TBC1D8B: variants seen among roughly 807,000 people sequenced by gnomAD.
The protein encoded by TBC1D8B is TBC1 domain family member 8B.
Under a neutral mutation model 82.9 loss-of-function variants are expected in TBC1D8B, and 75 were observed. The observed-to-expected ratio is 0.90, with a 90% CI of 0.75 to 1.10. TBC1D8B has a LOEUF of 1.10. Ranked by LOEUF, TBC1D8B falls within the 50% of genes least tolerant of loss-of-function variation. TBC1D8B has a pLI of 0.00. For missense variants in TBC1D8B, 794 were observed against 796.9 expected (o/e 1.00, Z 0.04); for synonymous variants, 276 against 276.8 (o/e 1.00, Z 0.03).
At chrX:106,849,193 ACTGT>A in intron 11 of TBC1D8B, 1 of 1,053,962 alleles carries the variant, frequency 9.5e-7, no homozygotes, top group Non-Finnish European at 1.3e-6. Flanking sequence ...CATCGATTTT[ACTGT>A]CTTTCATTAT....
intron 12 of TBC1D8B, among the ~76,000 whole-genome samples, chrX:106,851,867 A>G (rs1932592770): frequency 8.9e-6 from 1 of 111,794 alleles, no homozygotes; most frequent in Admixed American, 9.5e-5. Context: ...TAGTGCCGCT[A>G]TAAACATATG....
At chrX:106,842,299 T>G (rs886826864) in intron 10 of TBC1D8B, among the ~76,000 whole-genome samples, 4 of 110,730 alleles carry the variant, frequency 3.6e-5, no homozygotes, top group Non-Finnish European at 7.6e-5. Context: ...AGTTTAGAGA[T>G]AGCTTCAAAA....
intron 1 of TBC1D8B, among the ~76,000 whole-genome samples, chrX:106,807,651 T>G (rs914347654): frequency 2.7e-5 from 3 of 111,395 alleles, no homozygotes; most frequent in Non-Finnish European, 5.7e-5. Flanking sequence ...TCTTTAAAGG[T>G]AATTTTTTAC....
intron 7 of TBC1D8B, among the ~76,000 whole-genome samples, chrX:106,835,577 G>A (rs993261000): frequency 8.0e-5 from 9 of 111,996 alleles, no homozygotes; most frequent in East Asian, 2.8e-4. Context: ...TTTCTTTTCC[G>A]TCACATCATC....
chrX:106,869,405 C>A, intron 18 of TBC1D8B, 80 bp from the exon 19 acceptor site: 1 of 852,897 alleles, frequency 1.2e-6, no homozygotes, highest in Non-Finnish European at 1.7e-6. Context: ...TGTGCTTATA[C>A]GTCTATATGA....
intron 1 of TBC1D8B, among the ~76,000 whole-genome samples, chrX:106,807,331 C>T (rs1931219255): frequency 9.0e-6 from 1 of 110,681 alleles, no homozygotes. Context: ...GCTCCCATCC[C>T]TCTCTGGAAC....
intron 10 of TBC1D8B, among the ~76,000 whole-genome samples, chrX:106,847,980 C>G (rs1932496456): frequency 8.9e-6 from 1 of 111,749 alleles, no homozygotes; most frequent in Admixed American, 9.5e-5. Flanking sequence ...TTGAATGTTA[C>G]TTTATAAAAT....
At position 106,865,636 on chromosome X, in the gene TBC1D8B, G is replaced by A; in HGVS notation, c.2421+9G>A. Reference sequence around the variant, plus strand: ...TTTATGTCATCTTTAAGGTACTGTTGTTCTTCTTTAAATGAAAAATAATGC... The same window carrying A: ...TTTATGTCATCTTTAAGGTACTGTTATTCTTCTTTAAATGAAAAATAATGC... On this transcript the variant is annotated intron_variant, in intron 15 of 20. Transcript: ENST00000357242. The A allele has an allele frequency of 8.5e-7, 1 of 1,172,822 alleles. No homozygotes were observed. Among genetic ancestry groups the A allele is most frequent in the Non-Finnish European group, 1.1e-6 (1 of 872,305 alleles).
chrX:106,818,587 T>C (rs1416152310), intron 1 of TBC1D8B, 76 bp from the exon 2 acceptor site: 3 of 725,499 alleles, frequency 4.1e-6, no homozygotes, highest in African/African-American at 2.2e-5. Flanking sequence ...AATTTATTAG[T>C]TTGTTATATG....
Position 106,860,340 on chromosome X carries a change from GGTGTGTGTGTGTGT to G in TBC1D8B, c.2353-5186_2353-5173del, listed in dbSNP as rs3078333. Among the ~76,000 whole-genome samples, 421 of 82,789 alleles carry G rather than the reference GGTGTGTGTGTGTGT, an allele frequency of 5.1e-3. 7 individuals are homozygous for G. Among genetic ancestry groups the G allele is most frequent in the African/African-American group, 0.017 (399 of 23,306 alleles). The allele number at this position is 82,789 out of a possible 115,157, so 71.9% of individuals were successfully genotyped here. A position where few individuals can be genotyped will look rare whatever the true frequency, so the allele number is the denominator to read the frequency against. On this transcript the variant is annotated intron_variant, in intron 14 of 20. Coordinates refer to ENST00000357242, the MANE Select transcript of TBC1D8B (RefSeq NM_017752.3). ...ATCTGGTACTGGGCTTTTTATGATT[GGTGTGTGTGTGTGT>G]GTGTGTGTGTGTGTGTGTGTGTGTG...
At chrX:106,803,759 T>A (rs1931106362) in intron 1 of TBC1D8B, among the ~76,000 whole-genome samples, 1 of 111,773 alleles carries the variant, frequency 8.9e-6, no homozygotes, top group Non-Finnish European at 1.9e-5. Context: ...AAAAGTGTTT[T>A]TTGGCCAAAT....
In TBC1D8B at chrX:106,865,846, T is replaced by A; in HGVS notation, c.2475T>A (p.His825Gln). 1 of 1,210,662 alleles carries A rather than the reference T, an allele frequency of 8.3e-7. No homozygotes were observed. Among genetic ancestry groups the A allele is most frequent in the East Asian group, 3.0e-5 (1 of 33,839 alleles). The change falls in exon 16 of 21, where the codon CAT becomes CAA. Residue 825 changes from histidine to glutamine, a missense_variant. His to Gln is a conservative substitution (Grantham distance 24). Transcript: ENST00000357242. ...GTTTGGGTTGCCCAGTATTGAAGCA[T>A]CATGACCCCAGTCTGCCATATTTGG... ...YWCLGCPVLKHHDPSLPYLEQ... is the reference protein window; with the variant it reads ...YWCLGCPVLKQHDPSLPYLEQ...
intron 1 of TBC1D8B, chrX:106,814,414 A>T (rs745737668): frequency 0.014 from 1,460 of 105,855 alleles, 36 homozygotes; most frequent in African/African-American, 0.048. Context: ...CATGGTGTAT[A>T]TGTGCCACAT....
Position 106,802,963 on chromosome X carries a change from A to T in TBC1D8B, c.110A>T (p.Glu37Val). 3.3e-6 allele frequency: 4 copies of T among 1,207,968 alleles called. No homozygotes were observed. In the South Asian group the frequency reaches 7.1e-5, roughly 21 times the overall value. ...VLQRRRGYGE[E>V]GGGGLTGLLV... ...CAGCGGCGTCGGGGCTACGGGGAGG[A>T]AGGCGGAGGGGGGCTCACAGGTAAG... Residue 37 changes from glutamate (E) to valine (V), a missense_variant, in exon 1 of 21, where the codon GAA (glutamate) becomes GTA (valine). Physicochemically the swap from Glu to Val is moderately radical, Grantham distance 121. Coordinates refer to ENST00000357242, the MANE Select transcript of TBC1D8B (RefSeq NM_017752.3).
intron 10 of TBC1D8B, among the ~76,000 whole-genome samples, chrX:106,844,476 CAT>C (rs779296924): frequency 0.063 from 6,286 of 100,502 alleles, 549 homozygotes; most frequent in African/African-American, 0.21. Flanking sequence ...TTATTTTTTC[CAT>C]ATATATATAT....
At chrX:106,855,634 A>G (rs1301350014) in intron 14 of TBC1D8B, among the ~76,000 whole-genome samples, 6 of 112,295 alleles carry the variant, frequency 5.3e-5, no homozygotes, top group Non-Finnish European at 1.1e-4. Flanking sequence ...CTGCTGATGT[A>G]CATTTAATAT....
At chrX:106,869,619 G>T (rs1222530209) in intron 19 of TBC1D8B, 78 bp downstream of exon 19, 9 of 815,976 alleles carry the variant, frequency 1.1e-5, no homozygotes, top group East Asian at 3.6e-5. Context: ...AGGGGGAAAA[G>T]GTGGATTCCT....
chrX:106,814,289 G>T (rs942639438), intron 1 of TBC1D8B: 1 of 107,497 alleles, frequency 9.3e-6, no homozygotes, highest in African/African-American at 3.4e-5. Context: ...CCAAGTCTTT[G>T]CTATTGTGAA....
At chrX:106,831,223 T>G (rs1932039259) in intron 7 of TBC1D8B, among the ~76,000 whole-genome samples, 1 of 111,796 alleles carries the variant, frequency 8.9e-6, no homozygotes, top group African/African-American at 3.2e-5. Flanking sequence ...TACTGCTATC[T>G]CCAGAGTAGA....
Sources: gnomAD v4.1 joint callset for allele counts (sites outside exome capture counted in the v4.1 genomes callset) on GRCh38, gnomAD v4.1.1 for gene constraint, MANE v1.5 for transcripts, NCBI Gene and HGNC (gene_info 2026-07-23, HGNC 2026-07-21) for gene names.